The following SLC22A16 variants were observed in gnomAD, a reference collection of about 807,000 sequenced individuals.
SLC22A16 encodes the protein WUGSC:RG331P03.1.
SLC22A16 carries 53 observed loss-of-function variants against 52.9 expected under a neutral mutation model. The ratio of observed to expected loss-of-function variants is 1.00; its 90% CI spans 0.80 to 1.26. SLC22A16 has a LOEUF of 1.26. Ranked by LOEUF, SLC22A16 falls within the 50% of genes most tolerant of loss-of-function variation. The pLI, the probability that SLC22A16 is intolerant of heterozygous loss-of-function variation, is 0.00. For missense variants in SLC22A16, 726 were observed against 704.0 expected (o/e 1.03, Z -0.35); for synonymous variants, 291 against 268.8 (o/e 1.08, Z -0.81).
chr6:110,463,683 A>T (rs1341435948), intron 1 of SLC22A16, among the ~76,000 whole-genome samples: 2 of 152,028 alleles, frequency 1.3e-5, no homozygotes, highest in African/African-American at 4.8e-5. Flanking sequence ...ACAGTCATAT[A>T]AAAGAGTGAG....
chr6:110,433,245 T>A (rs1159435363), intron 6 of SLC22A16, among the ~76,000 whole-genome samples: 1 of 152,170 alleles, frequency 6.6e-6, no homozygotes, highest in Non-Finnish European at 1.5e-5. Flanking sequence ...TCTGATAAAC[T>A]TTTTTCTTAG....
rs1219500335 is a variant in SLC22A16, at chr6:110,433,957, C to T, written c.1421+1895G>A. 2.6e-5 allele frequency among the ~76,000 whole-genome samples: 4 copies of T among 152,146 alleles called. No homozygotes were observed. The East Asian group carries it at 5.8e-4, about 22-fold the overall frequency. Reference sequence around the variant, plus strand: ...CAAAAAAAAGAGTCAAAAAGTCTGACGGGCCGGACGCAGTGGCTCACACCT... The same window carrying T: ...CAAAAAAAAGAGTCAAAAAGTCTGATGGGCCGGACGCAGTGGCTCACACCT... On this transcript the variant is annotated intron_variant, in intron 6 of 7. Transcript: ENST00000368919.
At chr6:110,455,891 A>T (rs1477625422) in intron 2 of SLC22A16, 1 of 152,410 alleles carries the variant, frequency 6.6e-6, no homozygotes, top group Admixed American at 6.5e-5. Context: ...GGATGCAGCA[A>T]TAAGGCACCA....
chr6:110,463,794 A>C (rs556149332), intron 1 of SLC22A16, among the ~76,000 whole-genome samples: 54 of 152,120 alleles, frequency 3.5e-4, no homozygotes, highest in Non-Finnish European at 6.3e-4. Context: ...AAATGGACTA[A>C]GAGACACCTA....
chr6:110,453,439 C>T (rs1471801366), intron 2 of SLC22A16, among the ~76,000 whole-genome samples: 1 of 152,154 alleles, frequency 6.6e-6, no homozygotes, highest in Non-Finnish European at 1.5e-5. Context: ...TTATTTTACT[C>T]TAAGTTAATA....
intron 5 of SLC22A16, among the ~76,000 whole-genome samples, chr6:110,437,834 T>C (rs987119266): frequency 7.2e-5 from 11 of 152,144 alleles, no homozygotes; most frequent in African/African-American, 2.4e-4. Flanking sequence ...GTGAAAGTCA[T>C]TTCAGGAATT....
chr6:110,435,992 C>G lies in SLC22A16; in HGVS notation c.1312-31G>C. 8 of 1,348,890 alleles carry G rather than the reference C, an allele frequency of 5.9e-6. No individual in the cohort carries two copies. The South Asian group carries it at 9.7e-5, about 16-fold the overall frequency. The allele number at this position is 1,348,890 out of a possible 1,614,324, so 83.6% of individuals were successfully genotyped here. A position where few individuals can be genotyped will look rare whatever the true frequency, so the allele number is the denominator to read the frequency against. ...AAAAATTTAGCAGAATAGATCATCACAAGTGGTATTTTTAAAGGAAAATAG... is the reference window on the plus strand; with the variant it reads ...AAAAATTTAGCAGAATAGATCATCAGAAGTGGTATTTTTAAAGGAAAATAG... On this transcript the variant is annotated intron_variant, in intron 5 of 7. Coordinates refer to ENST00000368919, the MANE Select transcript of SLC22A16 (RefSeq NM_033125.4).
chr6:110,452,689 G>GA (rs991232689), intron 2 of SLC22A16, among the ~76,000 whole-genome samples: 5 of 151,934 alleles, frequency 3.3e-5, no homozygotes, highest in Non-Finnish European at 7.4e-5. Context: ...AAGAAAGAAA[G>GA]AAAAAAGAAA....
intron 1 of SLC22A16, among the ~76,000 whole-genome samples, chr6:110,474,456 A>C (rs1409432458): frequency 6.6e-6 from 1 of 152,248 alleles, no homozygotes; most frequent in Non-Finnish European, 1.5e-5. Context: ...TTGCAGTCAC[A>C]CAGTCTTCAT....
At chr6:110,425,272 A>T in intron 7 of SLC22A16, 187 bp from the exon 8 acceptor site, 1 of 1,508,888 alleles carries the variant, frequency 6.6e-7, no homozygotes, top group Non-Finnish European at 8.9e-7. Flanking sequence ...CTCATCAACG[A>T]GGTTTAATCT....
chr6:110,428,951 T>C (rs1406458973), intron 7 of SLC22A16, among the ~76,000 whole-genome samples: 1 of 152,154 alleles, frequency 6.6e-6, no homozygotes, highest in East Asian at 1.9e-4. Flanking sequence ...GGAGCTTGTT[T>C]AAATATCTGT....
Position 110,435,972 on chromosome 6 carries a change from T to C in SLC22A16, c.1312-11A>G, listed in dbSNP as rs746505162. 3.4e-5 allele frequency: 53 copies of C among 1,561,234 alleles called. No homozygotes were observed. Among genetic ancestry groups the C allele is most frequent in the Admixed American group, 2.5e-4 (15 of 59,454 alleles). On this transcript the variant is annotated splice_polypyrimidine_tract_variant and intron_variant, in intron 5 of 7. Coordinates refer to ENST00000368919, the MANE Select transcript of SLC22A16 (RefSeq NM_033125.4). ...CAAAATATAATGTTTCTGAAAAAAA[T>C]TTAGCAGAATAGATCATCACAAGTG...
intron 2 of SLC22A16, chr6:110,456,056 G>A (rs1196669081): frequency 1.3e-5 from 2 of 153,156 alleles, no homozygotes; most frequent in African/African-American, 4.8e-5. Flanking sequence ...AGACTAAAAG[G>A]GGCTGTTATA....
intron 7 of SLC22A16, among the ~76,000 whole-genome samples, chr6:110,430,488 G>T (rs1046035012): frequency 5.9e-5 from 9 of 152,080 alleles, no homozygotes; most frequent in African/African-American, 2.2e-4. Context: ...CACTGGAGGG[G>T]AGGGAGAGGG....
chr6:110,440,223 C>T (rs1774910567), intron 4 of SLC22A16: 1 of 152,162 alleles, frequency 6.6e-6, no homozygotes, highest in South Asian at 2.1e-4. Context: ...TACTGCAGCC[C>T]AGAACTCCTG....
chr6:110,425,376 C>G, intron 7 of SLC22A16: 1 of 1,355,410 alleles, frequency 7.4e-7, no homozygotes, highest in Non-Finnish European at 9.8e-7. Flanking sequence ...AGGTGCTGTC[C>G]TAGGAGCTGT....
At chr6:110,449,557 C>T (rs1345579607) in intron 2 of SLC22A16, among the ~76,000 whole-genome samples, 4 of 152,146 alleles carry the variant, frequency 2.6e-5, no homozygotes, top group Non-Finnish European at 5.9e-5. Flanking sequence ...AGGGATAGGA[C>T]AAGCTCACTG....
At chr6:110,455,094 G>C (rs1775597213) in intron 2 of SLC22A16, among the ~76,000 whole-genome samples, 1 of 139,716 alleles carries the variant, frequency 7.2e-6, no homozygotes, top group African/African-American at 2.7e-5. Context: ...ATCTATCAAA[G>C]TGACTGTAAG....
intron 1 of SLC22A16, among the ~76,000 whole-genome samples, chr6:110,469,558 A>G (rs1776191435): frequency 6.6e-6 from 1 of 152,308 alleles, no homozygotes; most frequent in Non-Finnish European, 1.5e-5. Flanking sequence ...AAAAATAAAT[A>G]AATACTAACA....
Sources: gnomAD v4.1 joint callset for allele counts (sites outside exome capture counted in the v4.1 genomes callset) on GRCh38, gnomAD v4.1.1 for gene constraint, MANE v1.5 for transcripts, NCBI Gene and HGNC (gene_info 2026-07-23, HGNC 2026-07-21) for gene names.